Variants in EPHX2 observed in about 807,000 individuals in gnomAD.
The protein encoded by EPHX2 is epoxide hydrolase 2, also known as bifunctional epoxide hydrolase 2.
Under a neutral mutation model 78.7 loss-of-function variants are expected in EPHX2, and 74 were observed. The ratio of observed to expected loss-of-function variants is 0.94; its 90% CI spans 0.78 to 1.14. The LOEUF is 1.14. EPHX2 is among the 50% of genes most tolerant of loss of function. The pLI is 0.00. For missense variants in EPHX2, 715 were observed against 702.5 expected (o/e 1.02, Z -0.20); for synonymous variants, 251 against 255.2 (o/e 0.98, Z 0.16).
At chr8:27,528,897 G>A (rs1279536621) in intron 12 of EPHX2, among the ~76,000 whole-genome samples, 1 of 152,198 alleles carries the variant, frequency 6.6e-6, no homozygotes, top group Non-Finnish European at 1.5e-5. Flanking sequence ...CCAGGTTCAA[G>A]CGATTCTCCT....
At chr8:27,513,804 C>T (rs1038033006) in intron 6 of EPHX2, among the ~76,000 whole-genome samples, 3 of 152,134 alleles carry the variant, frequency 2.0e-5, no homozygotes, top group Middle Eastern at 3.2e-3. Flanking sequence ...TAGTTGGGAT[C>T]TGTGCTAGAA....
At chr8:27,540,833 C>T (rs1322125855) in intron 15 of EPHX2, among the ~76,000 whole-genome samples, 177 bp downstream of exon 15, 2 of 152,160 alleles carry the variant, frequency 1.3e-5, no homozygotes, top group East Asian at 1.9e-4. Context: ...TGGTGCTCAG[C>T]CTGCTCTAGT....
chr8:27,495,127 A>C (rs929449162), intron 1 of EPHX2, among the ~76,000 whole-genome samples: 1 of 152,208 alleles, frequency 6.6e-6, no homozygotes, highest in Non-Finnish European at 1.5e-5. Flanking sequence ...TAACTCCATG[A>C]TTTCCTTGTG....
chr8:27,529,600 T>C lies in EPHX2; in HGVS notation c.1170+4127T>C, dbSNP rs1203300724. On this transcript the variant is annotated intron_variant, in intron 12 of 18. Coordinates refer to ENST00000521400, the MANE Select transcript of EPHX2 (RefSeq NM_001979.6). The stretch of plus-strand genomic sequence containing the variant: ...ACCTGTGTGTGTGTCTGGAAACATA[T>C]AGCAAGCTAGAGGCAGATTTCAGGC... Among the ~76,000 whole-genome samples the C allele has an allele frequency of 3.9e-5, 6 of 152,222 alleles. No individual in the cohort carries two copies. In the South Asian group the frequency reaches 8.3e-4, roughly 21 times the overall value.
intron 9 of EPHX2, 102 bp downstream of exon 9, chr8:27,518,174 C>A: frequency 1.1e-6 from 1 of 939,060 alleles, no homozygotes; most frequent in Non-Finnish European, 1.6e-6. Flanking sequence ...CATCATTTCA[C>A]AGCCTCTGGG....
chr8:27,492,142 G>A (rs977327859), intron 1 of EPHX2, among the ~76,000 whole-genome samples: 1 of 152,180 alleles, frequency 6.6e-6, no homozygotes, highest in Non-Finnish European at 1.5e-5. Context: ...AAATCACATA[G>A]CTGTTAAAGA....
chr8:27,544,181 T>C lies in EPHX2; in HGVS notation c.1531-5T>C, dbSNP rs1815507614. On this transcript the variant is annotated splice_region_variant and splice_polypyrimidine_tract_variant and intron_variant, in intron 17 of 18. Transcript: ENST00000521400. Reference sequence around the variant, plus strand: ...TTTACCTTTCTGCCTGGGGTTTCCTTTCAGATTCCCCACCTGAAAAGGGGA... The same window carrying C: ...TTTACCTTTCTGCCTGGGGTTTCCTCTCAGATTCCCCACCTGAAAAGGGGA... 4 of 1,614,178 alleles carry C rather than the reference T, an allele frequency of 2.5e-6. No individual in the cohort carries two copies. In the Admixed American group the frequency reaches 5.0e-5, roughly 20 times the overall value.
intron 1 of EPHX2, among the ~76,000 whole-genome samples, chr8:27,493,488 C>CT (rs1813461567): frequency 6.6e-6 from 1 of 152,128 alleles, no homozygotes; most frequent in Admixed American, 6.6e-5. Flanking sequence ...CTGAGAAATC[C>CT]TTTGAGAGTG....
At chr8:27,506,124 G>T (rs1164919169) in intron 4 of EPHX2, among the ~76,000 whole-genome samples, 1 of 152,094 alleles carries the variant, frequency 6.6e-6, no homozygotes, top group Non-Finnish European at 1.5e-5. Flanking sequence ...AAGTAGCTAT[G>T]ACCACAGGTT....
intron 1 of EPHX2, 69 bp from the exon 2 acceptor site, chr8:27,500,857 A>G (rs1813738912): frequency 1.5e-6 from 2 of 1,364,980 alleles, no homozygotes; most frequent in South Asian, 1.2e-5. Flanking sequence ...GAATATGAAC[A>G]GTGTCTGTTT....
chr8:27,531,378 C>T (rs1232348023), intron 12 of EPHX2, among the ~76,000 whole-genome samples: 1 of 152,200 alleles, frequency 6.6e-6, no homozygotes, highest in Non-Finnish European at 1.5e-5. Flanking sequence ...TTGCTGTCCA[C>T]CTCTTTCTCA....
chr8:27,516,922 T>TTA (rs1814478393), intron 8 of EPHX2, among the ~76,000 whole-genome samples: 2 of 148,826 alleles, frequency 1.3e-5, no homozygotes, highest in South Asian at 4.3e-4. Flanking sequence ...CCTTCCTATT[T>TTA]TTTTTTTTTT....
rs139657060 is a variant in EPHX2, at chr8:27,504,998, G to C, written c.389G>C (p.Arg130Pro). 1.3e-5 allele frequency: 21 copies of C among 1,614,010 alleles called. No homozygotes were observed. The South Asian group carries it at 1.6e-4, about 13-fold the overall frequency. ...CTCACCAACACCTGGCTGGACGACC[G>C]TGCTGAGAGAGATGGCCTGGCCCAG... ...AILTNTWLDD[R>P]AERDGLAQLM... is the part of the protein sequence containing the mutation. The change falls in exon 4 of 19, where the codon CGT (arginine) becomes CCT (proline). Residue 130 changes from arginine to proline, a missense_variant. Physicochemically the swap from Arg to Pro is moderately radical, Grantham distance 103. Coordinates refer to ENST00000521400, the MANE Select transcript of EPHX2 (RefSeq NM_001979.6).
At chr8:27,538,809 G>T (rs763896056) in intron 14 of EPHX2, 117 bp downstream of exon 14, 1 of 1,212,562 alleles carries the variant, frequency 8.2e-7, no homozygotes, top group Non-Finnish European at 1.2e-6. Context: ...ACTTTAAGTT[G>T]CCCAACCAGG....
At chr8:27,508,946 CTTTTTTTTTTTTTTT>C (rs34748947) in intron 5 of EPHX2, among the ~76,000 whole-genome samples, 1 of 64,406 alleles carries the variant, frequency 1.6e-5, no homozygotes, top group East Asian at 4.1e-4. Context: ...CCCCATCCTG[CTTTTTTTTTTTTTTT>C]TTTTTTTTTT....
chr8:27,498,807 G>T lies in EPHX2; in HGVS notation c.102-2119G>T, dbSNP rs530708476. 5.3e-5 allele frequency among the ~76,000 whole-genome samples: 8 copies of T among 152,290 alleles called. No individual in the cohort carries two copies. The South Asian group carries it at 1.7e-3, about 32-fold the overall frequency. The stretch of plus-strand genomic sequence containing the variant: ...AAATGTTCTAAAATTGGAATGTGGT[G>T]ATGCTTACACAACTGTAAATTTACT... On this transcript the variant is annotated intron_variant, in intron 1 of 18. Coordinates refer to ENST00000521400, the MANE Select transcript of EPHX2 (RefSeq NM_001979.6).
At chr8:27,500,316 A>G (rs1327310455) in intron 1 of EPHX2, among the ~76,000 whole-genome samples, 1 of 152,048 alleles carries the variant, frequency 6.6e-6, no homozygotes, top group African/African-American at 2.4e-5. Flanking sequence ...ACCCTCCGCC[A>G]TGATTGTGAG....
rs532112962 is a variant in EPHX2 at position 27,499,051 on chromosome 8, A to C, written c.102-1875A>C. Among the ~76,000 whole-genome samples, 70 of 152,298 alleles carry C rather than the reference A, an allele frequency of 4.6e-4. 1 individual carries two copies. The highest frequency in any genetic ancestry group is 1.6e-3 in the African/African-American group (66 of 41,578). On this transcript the variant is annotated intron_variant, in intron 1 of 18. Transcript: ENST00000521400. The stretch of plus-strand genomic sequence containing the variant: ...ACTCTCTGCAGAGTCTCAAGGTAGC[A>C]CAGGGCATCATATGGTGAGGGGGCT...
In EPHX2 at chr8:27,500,955, G is replaced by A; in HGVS notation, c.131G>A (p.Gly44Glu). ...RGLLNDAFQKGGPEGATTRLM... is the reference protein window; with the variant it reads ...RGLLNDAFQKEGPEGATTRLM... Reference sequence around the variant, plus strand: ...CTTCTGAATGATGCTTTCCAGAAAGGGGGACCAGAGGGTGCCACTACCCGG... The same window carrying A: ...CTTCTGAATGATGCTTTCCAGAAAGAGGGACCAGAGGGTGCCACTACCCGG... Residue 44 changes from glycine to glutamate, a missense_variant, in exon 2 of 19, where the codon GGG becomes GAG. Transcript: ENST00000521400. The A allele has an allele frequency of 6.2e-7, 1 of 1,613,328 alleles. No individual in the cohort carries two copies. The highest frequency in any genetic ancestry group is 2.2e-5 in the East Asian group (1 of 44,840).
Sources: allele counts gnomAD v4.1 joint callset (sites outside exome capture counted in the v4.1 genomes callset), GRCh38; gene constraint gnomAD v4.1.1; transcripts MANE v1.5; gene names NCBI Gene and HGNC (gene_info 2026-07-23, HGNC 2026-07-21).